DCC: variants seen among roughly 807,000 people sequenced by gnomAD.
DCC encodes the protein netrin receptor DCC.
Under a neutral mutation model 172.5 loss-of-function variants are expected in DCC, and 58 were observed. The observed-to-expected ratio is 0.34, with a 90% CI of 0.27 to 0.42. The LOEUF (loss-of-function observed/expected upper bound fraction) is 0.42. Among genes scored for constraint, DCC ranks in the 10% least tolerant of loss-of-function variants. The pLI, the probability that DCC is intolerant of heterozygous loss-of-function variation, is 1.00. For missense variants in DCC, 1,740 were observed against 1,791.0 expected (o/e 0.97, Z 0.51); for synonymous variants, 709 against 644.5 (o/e 1.10, Z -1.52).
chr18:52,911,376 A>G (rs934597964), intron 3 of DCC, among the ~76,000 whole-genome samples: 6 of 151,930 alleles, frequency 3.9e-5, no homozygotes, highest in East Asian at 1.9e-4. Context: ...TGTCTGTACA[A>G]TGATTCCAGT....
chr18:53,066,637 G>A (rs181218983), intron 7 of DCC, among the ~76,000 whole-genome samples: 29 of 150,926 alleles, frequency 1.9e-4, no homozygotes, highest in South Asian at 1.9e-3. Context: ...GCATATATAC[G>A]TACACACATA....
intron 18 of DCC, among the ~76,000 whole-genome samples, chr18:53,402,426 A>T (rs1909364606): frequency 6.6e-6 from 1 of 151,786 alleles, no homozygotes; most frequent in Non-Finnish European, 1.5e-5. Context: ...ATAATAAACT[A>T]GAAAAAGATA....
chr18:53,260,324 C>T (rs557893835), intron 12 of DCC, among the ~76,000 whole-genome samples: 7 of 152,096 alleles, frequency 4.6e-5, no homozygotes, highest in Non-Finnish European at 8.8e-5. Flanking sequence ...TTTTCCCTGT[C>T]TTTGTGGTTT....
At chr18:52,579,424 C>T (rs1262693746) in intron 1 of DCC, among the ~76,000 whole-genome samples, 1 of 152,178 alleles carries the variant, frequency 6.6e-6, no homozygotes, top group Non-Finnish European at 1.5e-5. Context: ...AATGGCACAG[C>T]ATAATATGCA....
intron 2 of DCC, among the ~76,000 whole-genome samples, chr18:52,877,093 T>C (rs1217545993): frequency 6.6e-6 from 1 of 152,252 alleles, no homozygotes; most frequent in African/African-American, 2.4e-5. Flanking sequence ...CTGTATTTTA[T>C]ACTGTAATCG....
intron 5 of DCC, among the ~76,000 whole-genome samples, chr18:52,964,607 G>A (rs1310890779): frequency 2.6e-5 from 4 of 152,090 alleles, no homozygotes; most frequent in Non-Finnish European, 5.9e-5. Flanking sequence ...ATAACTTTCT[G>A]TCACAGGATC....
chr18:53,346,864 T>C (rs2057731944), intron 15 of DCC, among the ~76,000 whole-genome samples: 1 of 152,206 alleles, frequency 6.6e-6, no homozygotes, highest in African/African-American at 2.4e-5. Context: ...GCATTGTCAA[T>C]GTTAAGTTGT....
chr18:52,881,147 TTTA>T (rs1355930963), intron 2 of DCC, among the ~76,000 whole-genome samples: 7 of 152,160 alleles, frequency 4.6e-5, no homozygotes, highest in African/African-American at 1.7e-4. Context: ...TCTTTGCCAT[TTTA>T]TTATCTTCTG....
Position 53,391,688 on chromosome 18 carries a change from T to G in DCC, c.2489T>G (p.Leu830Arg). 3 of 1,614,124 alleles carry G rather than the reference T, an allele frequency of 1.9e-6. No homozygotes were observed. The highest frequency in any genetic ancestry group is 2.5e-6 in the Non-Finnish European group (3 of 1,179,982). The change falls in exon 17 of 29, where the codon CTT becomes CGT. Residue 830 changes from leucine (L) to arginine (R), a missense_variant. Coordinates refer to ENST00000442544, the MANE Select transcript of DCC (RefSeq NM_005215.4). ...PTDPVDYYPL[L>R]DDFPTSVPDL... ...GACCCAGTTGATTATTATCCTTTGCTTGATGATTTCCCCACCTCGGTCCCA... is the reference window on the plus strand; with the variant it reads ...GACCCAGTTGATTATTATCCTTTGCGTGATGATTTCCCCACCTCGGTCCCA...
At chr18:53,450,792 C>A in intron 23 of DCC, 130 bp downstream of exon 23, 1 of 790,048 alleles carries the variant, frequency 1.3e-6, no homozygotes, top group Non-Finnish European at 2.1e-6. Context: ...CAAAACCTTG[C>A]GTTTTGTCTA....
At chr18:52,673,811 A>G (rs2035599364) in intron 1 of DCC, among the ~76,000 whole-genome samples, 1 of 152,192 alleles carries the variant, frequency 6.6e-6, no homozygotes, top group Admixed American at 6.5e-5. Context: ...ATAGACCATG[A>G]TGGGGTAAAC....
intron 5 of DCC, among the ~76,000 whole-genome samples, chr18:53,019,345 CCT>C (rs1040847173): frequency 6.6e-5 from 10 of 152,032 alleles, no homozygotes; most frequent in African/African-American, 1.9e-4. Flanking sequence ...TGGAACTACC[CCT>C]GTTACTTGTG....
intron 1 of DCC, among the ~76,000 whole-genome samples, chr18:52,636,629 A>G (rs2034785573): frequency 6.6e-6 from 1 of 151,830 alleles, no homozygotes; most frequent in African/African-American, 2.4e-5. Context: ...CTAGGTATAC[A>G]ACTCCAGTAT....
At chr18:53,104,201 A>T (rs1344370884) in intron 7 of DCC, among the ~76,000 whole-genome samples, 3 of 151,960 alleles carry the variant, frequency 2.0e-5, no homozygotes, top group African/African-American at 7.2e-5. Context: ...TCTGGGCTAC[A>T]TCATTTCTCA....
At chr18:53,061,342 C>CTG (rs1337440335) in intron 5 of DCC, among the ~76,000 whole-genome samples, 4 of 151,992 alleles carry the variant, frequency 2.6e-5, no homozygotes, top group Non-Finnish European at 5.9e-5. Flanking sequence ...CTTTCTCTCT[C>CTG]TGTGTGTGTG....
intron 1 of DCC, among the ~76,000 whole-genome samples, chr18:52,730,108 A>G (rs76036123): frequency 0.021 from 3,173 of 152,330 alleles, 130 homozygotes; most frequent in East Asian, 0.2. Context: ...TTTTTTTAAA[A>G]AAATGAATAT....
intron 7 of DCC, among the ~76,000 whole-genome samples, chr18:53,070,333 G>A (rs904330742): frequency 6.6e-6 from 1 of 152,044 alleles, no homozygotes; most frequent in South Asian, 2.1e-4. Context: ...CTCACCCCAG[G>A]GCCAGAGGAT....
Position 52,979,077 on chromosome 18 carries a change from CAT to C in DCC, c.985+53708_985+53709del, listed in dbSNP as rs376735259. The stretch of plus-strand genomic sequence containing the variant: ...AAATGTGCTTTTTTAAAAAATATCT[CAT>C]GTGTGAAGGAAGGGTACACAATAAG... On this transcript the variant is annotated intron_variant, in intron 5 of 28. Transcript: ENST00000442544. 9.9e-3 allele frequency among the ~76,000 whole-genome samples: 1,502 copies of C among 152,178 alleles called. 30 individuals are homozygous for C. The highest frequency in any genetic ancestry group is 0.035 in the African/African-American group (1,442 of 41,500).
intron 1 of DCC, among the ~76,000 whole-genome samples, chr18:52,596,947 G>C (rs1026596423): frequency 6.6e-6 from 1 of 152,090 alleles, no homozygotes; most frequent in East Asian, 1.9e-4. Flanking sequence ...TATTTTGTGA[G>C]CATCTGACCA....
Sources: gnomAD v4.1 joint callset for allele counts (sites outside exome capture counted in the v4.1 genomes callset) on GRCh38, gnomAD v4.1.1 for gene constraint, MANE v1.5 for transcripts, NCBI Gene and HGNC (gene_info 2026-07-23, HGNC 2026-07-21) for gene names.